The following AKAP13 variants were observed in gnomAD, a reference collection of about 807,000 sequenced individuals.
AKAP13 encodes the protein A-kinase anchor protein 13.
Under a neutral mutation model 264.5 loss-of-function variants are expected in AKAP13, and 80 were observed. The ratio of observed to expected loss-of-function variants is 0.30; its 90% confidence interval spans 0.25 to 0.36. The LOEUF (loss-of-function observed/expected upper bound fraction) is 0.36, where lower values mean the gene tolerates loss of function less well. Among genes scored for constraint, AKAP13 ranks in the 10% least tolerant of loss-of-function variants. The pLI is 1.00. For synonymous variants in AKAP13, 1,380 were observed against 1,250.2 expected, an observed-to-expected ratio of 1.10 and a Z score of -2.19; for missense variants, 3,712 against 3,435.2, an observed-to-expected ratio of 1.08 and a Z score of -2.01.
intron 21 of AKAP13, among the ~76,000 whole-genome samples, chr15:85,717,649 TC>T (rs1042325271): frequency 6.6e-6 from 1 of 152,198 alleles, no homozygotes; most frequent in Middle Eastern, 3.2e-3. Context: ...ATCTTTTCCT[TC>T]CCTTAGACTT....
At chr15:85,598,329 CTACTT>C (rs1266165878) in intron 8 of AKAP13, among the ~76,000 whole-genome samples, 1 of 152,138 alleles carries the variant, frequency 6.6e-6, no homozygotes, top group African/African-American at 2.4e-5. Context: ...TGTGCAGTCT[CTACTT>C]TGTGGGCAAC....
chr15:85,620,772 T>A (rs1042925924), intron 8 of AKAP13, among the ~76,000 whole-genome samples: 1 of 152,202 alleles, frequency 6.6e-6, no homozygotes, highest in Non-Finnish European at 1.5e-5. Context: ...TGTTGATAGC[T>A]GTATTTGTTT....
Position 85,653,200 on chromosome 15 carries a change from T to C in AKAP13, c.4375-2217T>C, listed in dbSNP as rs997258832. Among the ~76,000 whole-genome samples the C allele has an allele frequency of 3.3e-5, 5 of 152,314 alleles. No individual in the cohort carries two copies. In the East Asian group the frequency reaches 7.7e-4, roughly 23 times the overall value. On this transcript the variant is annotated intron_variant, in intron 10 of 36. Coordinates refer to ENST00000394518, the MANE Select transcript of AKAP13 (RefSeq NM_007200.5). ...AATTTAGAATTTACTCAGTGAACCATAGTTTTATTTTACAGAGTGACCCAG... is the reference window on the plus strand; with the variant it reads ...AATTTAGAATTTACTCAGTGAACCACAGTTTTATTTTACAGAGTGACCCAG...
chr15:85,419,860 G>A (rs1274421473), intron 1 of AKAP13, among the ~76,000 whole-genome samples: 3 of 151,980 alleles, frequency 2.0e-5, no homozygotes, highest in Non-Finnish European at 2.9e-5. Flanking sequence ...GAGTGAAGAG[G>A]GTGAGAGAAA....
chr15:85,742,736 G>T (rs1263376888), intron 35 of AKAP13, among the ~76,000 whole-genome samples: 1 of 152,228 alleles, frequency 6.6e-6, no homozygotes, highest in African/African-American at 2.4e-5. Flanking sequence ...GAGCCTGGGT[G>T]TACACAGATC....
At chr15:85,739,778 TG>T (rs2088823613) in intron 33 of AKAP13, among the ~76,000 whole-genome samples, 1 of 152,318 alleles carries the variant, frequency 6.6e-6, no homozygotes, top group African/African-American at 2.4e-5. Flanking sequence ...AACCTTTTTT[TG>T]TGTGTGAGCT....
At position 85,723,178 on chromosome 15, in the gene AKAP13, C is replaced by T. The variant is rs551515034; in HGVS notation, c.6603C>T (p.Leu2201=). 14 of 1,614,114 alleles carry T rather than the reference C, an allele frequency of 8.7e-6. No individual in the cohort carries two copies. The Admixed American group carries it at 2.3e-4, about 27-fold the overall frequency. Reference sequence around the variant, plus strand: ...CAAGTTATGAAAAGAAAGTGCGTCTCAATGAGATTTATACAAAGACAGATA... The same window carrying T: ...CAAGTTATGAAAAGAAAGTGCGTCTTAATGAGATTTATACAAAGACAGATA... ...KVASYEKKVR[L]NEIYTKTDSK... Residue 2201 remains leucine (L), a synonymous_variant, in exon 26 of 37, where the codon CTC becomes CTT. Coordinates refer to ENST00000394518, the MANE Select transcript of AKAP13 (RefSeq NM_007200.5).
In AKAP13 at chr15:85,669,811, C is replaced by G. The variant is rs775855760; in HGVS notation, c.5082C>G (p.Ile1694Met). Residue 1694 changes from isoleucine (I) to methionine (M), a missense_variant, in exon 14 of 37, where the codon ATC (isoleucine) becomes ATG (methionine). Ile to Met is a conservative substitution (Grantham distance 10). This residue lies in a region of AKAP13 where 2,759 missense variants were observed against 2,411.7 expected (regional missense o/e 1.14). Coordinates refer to ENST00000394518, the MANE Select transcript of AKAP13 (RefSeq NM_007200.5). ...CAAAATCCATCTCATTAATGACAATCAGCCATCCTGGATTGGACAGTGAGT... is the reference window on the plus strand; with the variant it reads ...CAAAATCCATCTCATTAATGACAATGAGCCATCCTGGATTGGACAGTGAGT... ...PLTKSISLMTISHPGLDNSRP... is the reference protein window; with the variant it reads ...PLTKSISLMTMSHPGLDNSRP... 6.2e-6 allele frequency: 10 copies of G among 1,609,926 alleles called. No homozygotes were observed. The highest frequency in any genetic ancestry group is 7.7e-6 in the Non-Finnish European group (9 of 1,176,444).
At position 85,723,323 on chromosome 15, in the gene AKAP13, AAGGC is replaced by A. The variant is rs1400411812; in HGVS notation, c.6745+4_6745+7del. On this transcript the variant is annotated splice_donor_5th_base_variant and intron_variant, in intron 26 of 36. Coordinates refer to ENST00000394518, the MANE Select transcript of AKAP13 (RefSeq NM_007200.5). ...GAATGCAGCAGGAAGGTTGAAAGGT[AAGGC>A]TTGGCTCTTTTGTCTTAAGTATGTG... is the stretch of plus-strand genomic sequence containing the variant. 9 of 1,613,784 alleles carry A rather than the reference AAGGC, an allele frequency of 5.6e-6. No individual in the cohort carries two copies. The highest frequency in any genetic ancestry group is 7.6e-6 in the Non-Finnish European group (9 of 1,179,734).
intron 23 of AKAP13, among the ~76,000 whole-genome samples, chr15:85,719,867 C>T (rs1406977498): frequency 6.6e-6 from 1 of 151,454 alleles, no homozygotes; most frequent in Non-Finnish European, 1.5e-5. Context: ...GTGAGCCGAG[C>T]TCATGCCACT....
chr15:85,568,682 A>G (rs2078696350), intron 5 of AKAP13, among the ~76,000 whole-genome samples: 1 of 152,194 alleles, frequency 6.6e-6, no homozygotes, highest in Admixed American at 6.5e-5. Flanking sequence ...TCTTTGCTTT[A>G]TATATCTATA....
At chr15:85,607,669 GTATT>G (rs1325506248) in intron 8 of AKAP13, among the ~76,000 whole-genome samples, 3 of 149,772 alleles carry the variant, frequency 2.0e-5, no homozygotes, top group Non-Finnish European at 4.4e-5. Flanking sequence ...CTGCTAGTAT[GTATT>G]TAAGTAAAGG....
intron 33 of AKAP13, among the ~76,000 whole-genome samples, chr15:85,738,126 G>A (rs946410464): frequency 2.6e-5 from 4 of 152,190 alleles, no homozygotes; most frequent in African/African-American, 9.6e-5. Context: ...GGCCGGGCTC[G>A]GTGGCTCACG....
In AKAP13 at chr15:85,723,173, C is replaced by T; in HGVS notation, c.6598C>T (p.Arg2200Cys). Reference sequence around the variant, plus strand: ...AGTGGCAAGTTATGAAAAGAAAGTGCGTCTCAATGAGATTTATACAAAGAC... The same window carrying T: ...AGTGGCAAGTTATGAAAAGAAAGTGTGTCTCAATGAGATTTATACAAAGAC... ...SKVASYEKKV[R>C]LNEIYTKTDS... Residue 2200 changes from arginine to cysteine, a missense_variant, in exon 26 of 37, where the codon CGT (arginine) becomes TGT (cysteine). Physicochemically the swap from Arg to Cys is radical, Grantham distance 180. Around this residue, in one of 3 missense-constraint regions of AKAP13, gnomAD observed 342 missense variants for 484.3 expected, o/e 0.71. Transcript: ENST00000394518. 2.5e-6 allele frequency: 4 copies of T among 1,614,090 alleles called. No homozygotes were observed. Among genetic ancestry groups the T allele is most frequent in the Non-Finnish European group, 3.4e-6 (4 of 1,179,982 alleles).
chr15:85,613,844 A>C (rs2080818846), intron 8 of AKAP13, among the ~76,000 whole-genome samples: 1 of 151,312 alleles, frequency 6.6e-6, no homozygotes, highest in African/African-American at 2.4e-5. Context: ...CTGTTACTTC[A>C]GTGATGGAAT....
intron 3 of AKAP13, among the ~76,000 whole-genome samples, chr15:85,530,248 A>G (rs1349208610): frequency 6.6e-6 from 1 of 152,108 alleles, no homozygotes; most frequent in Non-Finnish European, 1.5e-5. Flanking sequence ...CTGAGTAAAC[A>G]GTCATTTTAG....
chr15:85,616,685 A>G (rs1245618073), intron 8 of AKAP13, among the ~76,000 whole-genome samples: 1 of 152,254 alleles, frequency 6.6e-6, no homozygotes, highest in Non-Finnish European at 1.5e-5. Flanking sequence ...GCTCTGGTTT[A>G]GATATGAAAT....
intron 8 of AKAP13, among the ~76,000 whole-genome samples, chr15:85,637,311 T>C (rs2082107356): frequency 6.6e-6 from 1 of 152,266 alleles, no homozygotes; most frequent in Non-Finnish European, 1.5e-5. Context: ...AACTATGGAC[T>C]CAATTGCTTT....
intron 1 of AKAP13, among the ~76,000 whole-genome samples, chr15:85,458,351 TC>T (rs1307348955): frequency 1.3e-5 from 2 of 150,768 alleles, no homozygotes; most frequent in African/African-American, 4.9e-5. Context: ...ATTTGAGTCT[TC>T]CCCTTTCTTT....
Sources: allele counts gnomAD v4.1 joint callset (sites outside exome capture counted in the v4.1 genomes callset), GRCh38; gene constraint gnomAD v4.1.1; regional missense constraint gnomAD v4.1.1; transcripts MANE v1.5; gene names NCBI Gene and HGNC (gene_info 2026-07-23, HGNC 2026-07-21).